The following CCDC90B variants were observed in gnomAD, a reference collection of about 807,000 sequenced individuals.
CCDC90B encodes coiled-coil domain containing 90B.
Under a neutral mutation model 37.0 loss-of-function variants are expected in CCDC90B, and 24 were observed. The observed-to-expected ratio is 0.65, with a 90% CI of 0.47 to 0.91. CCDC90B has a LOEUF of 0.91. Among genes scored for constraint, CCDC90B ranks in the 40% least tolerant of loss-of-function variants. The pLI is 0.00. For synonymous variants in CCDC90B, 113 were observed against 101.1 expected (o/e 1.12, Z -0.71); for missense variants, 319 against 299.0 (o/e 1.07, Z -0.49).
In CCDC90B at chr11:83,280,215, A is replaced by C. The variant is rs1865304000; in HGVS notation, c.146T>G (p.Val49Gly). 9 of 1,613,224 alleles carry C rather than the reference A, an allele frequency of 5.6e-6. No individual in the cohort carries two copies. Among genetic ancestry groups the C allele is most frequent in the Non-Finnish European group, 7.6e-6 (9 of 1,179,506 alleles). ...TTKEGYDRRP[V>G]DITPLEQRKL... is the part of the protein sequence containing the mutation. ...CCTTTGTTCTAAAGGAGTTATATCC[A>C]CTGGCCGCCTATCATATCCCTCCTT... The change falls in exon 2 of 9, where the codon GTG becomes GGG. Residue 49 changes from valine to glycine, a missense_variant. By Grantham distance (109) the Val-to-Gly change is moderately radical. Coordinates refer to ENST00000529689, the MANE Select transcript of CCDC90B (RefSeq NM_021825.5).
intron 7 of CCDC90B, among the ~76,000 whole-genome samples, chr11:83,268,912 GTC>G (rs1199891618): frequency 2.0e-5 from 3 of 152,170 alleles, no homozygotes; most frequent in African/African-American, 7.2e-5. Flanking sequence ...ACAACAAACT[GTC>G]TCTCAGACCA....
chr11:83,270,389 T>C (rs1864581821), intron 7 of CCDC90B, among the ~76,000 whole-genome samples: 1 of 152,198 alleles, frequency 6.6e-6, no homozygotes, highest in African/African-American at 2.4e-5. Flanking sequence ...CATGATTGTA[T>C]ATGTAGAAAA....
chr11:83,275,824 A>C (rs1437825347), intron 3 of CCDC90B, among the ~76,000 whole-genome samples: 1 of 152,238 alleles, frequency 6.6e-6, no homozygotes, highest in Non-Finnish European at 1.5e-5. Context: ...TGGTCTCCTC[A>C]TTGGTAAAAT....
intron 1 of CCDC90B, chr11:83,285,213 TGGGAG>T (rs746234617): frequency 3.9e-6 from 5 of 1,285,988 alleles, no homozygotes; most frequent in East Asian, 5.6e-5. Flanking sequence ...GTTTAAAAAC[TGGGAG>T]GGAAGTTAAA....
intron 4 of CCDC90B, 165 bp downstream of exon 4, chr11:83,274,474 A>G: frequency 2.2e-6 from 1 of 460,552 alleles, no homozygotes; most frequent in Non-Finnish European, 3.9e-6. Flanking sequence ...ATTTATATAG[A>G]AAAAGATTAG....
At chr11:83,263,436 C>T (rs1864048613) in intron 8 of CCDC90B, among the ~76,000 whole-genome samples, 1 of 152,156 alleles carries the variant, frequency 6.6e-6, no homozygotes, top group Non-Finnish European at 1.5e-5. Flanking sequence ...GCTGTTTATC[C>T]TCTATACCCT....
intron 7 of CCDC90B, among the ~76,000 whole-genome samples, chr11:83,269,632 C>CA (rs941808686): frequency 6.6e-6 from 1 of 152,042 alleles, no homozygotes; most frequent in African/African-American, 2.4e-5. Context: ...CTAAATAGAC[C>CA]AATAACAGGC....
Position 83,286,052 on chromosome 11 carries a change from A to G in CCDC90B, c.-80T>C, listed in dbSNP as rs1037482414. On this transcript the variant is annotated 5_prime_UTR_variant, in exon 1 of 9. Coordinates refer to ENST00000529689, the MANE Select transcript of CCDC90B (RefSeq NM_021825.5). Reference sequence around the variant, plus strand: ...GGCTTTCGGGCAAGGTAGTTCTGGCACCACAGGAATGCTGGGAATTGTAGT... The same window carrying G: ...GGCTTTCGGGCAAGGTAGTTCTGGCGCCACAGGAATGCTGGGAATTGTAGT... 4 of 1,547,098 alleles carry G rather than the reference A, an allele frequency of 2.6e-6. No individual in the cohort carries two copies. In the African/African-American group the frequency reaches 4.1e-5, roughly 16 times the overall value.
At position 83,261,413 on chromosome 11, in the gene CCDC90B, A is replaced by C. The variant is rs1863919490; in HGVS notation, c.*498T>G. 6.6e-6 allele frequency: 1 copy of C among 152,248 alleles called. No individual in the cohort carries two copies. Among genetic ancestry groups the C allele is most frequent in the African/African-American group, 2.4e-5 (1 of 41,454 alleles). The allele number at this position is 152,248 out of a possible 1,614,324, so 9.4% of individuals were successfully genotyped here. ...TTTAGTTCATTACCAAAAAGAAATC[A>C]ATCTCCAACTATATGGTAAGTCACT... On this transcript the variant is annotated 3_prime_UTR_variant, in exon 9 of 9. Transcript: ENST00000529689.
chr11:83,261,767 C>G lies in CCDC90B; in HGVS notation c.*144G>C, dbSNP rs540008405. ...TAAAGACACAGTATCTCTTCTCATT[C>G]TAAAACACTTCCTCTTTTAGTCCGT... On this transcript the variant is annotated 3_prime_UTR_variant, in exon 9 of 9. Coordinates refer to ENST00000529689, the MANE Select transcript of CCDC90B (RefSeq NM_021825.5). 3.5e-5 allele frequency: 21 copies of G among 595,958 alleles called. No homozygotes were observed. The African/African-American group carries it at 4.0e-4, about 11-fold the overall frequency. The allele number at this position is 595,958 out of a possible 1,614,324, so 36.9% of individuals were successfully genotyped here.
At chr11:83,282,078 G>A (rs113446081) in intron 1 of CCDC90B, among the ~76,000 whole-genome samples, 1 of 152,132 alleles carries the variant, frequency 6.6e-6, no homozygotes, top group East Asian at 1.9e-4. Context: ...CTAACACAAA[G>A]CCTACTTTAT....
intron 7 of CCDC90B, among the ~76,000 whole-genome samples, chr11:83,269,602 A>G (rs1474349981): frequency 1.3e-5 from 2 of 152,320 alleles, no homozygotes; most frequent in Middle Eastern, 3.4e-3. Context: ...CCAAGACTAA[A>G]CCAGGAAGAA....
At chr11:83,268,756 A>G (rs889942163) in intron 7 of CCDC90B, among the ~76,000 whole-genome samples, 1 of 152,238 alleles carries the variant, frequency 6.6e-6, no homozygotes, top group African/African-American at 2.4e-5. Context: ...CAACAAGCAG[A>G]CTTAATAGAC....
At chr11:83,285,593 CA>C in intron 1 of CCDC90B, 1 of 1,296,032 alleles carries the variant, frequency 7.7e-7, no homozygotes, top group Non-Finnish European at 9.8e-7. Context: ...CTCTTGTCAC[CA>C]AAAAACGGAA....
At chr11:83,270,693 G>A (rs1864600776) in intron 7 of CCDC90B, among the ~76,000 whole-genome samples, 1 of 152,174 alleles carries the variant, frequency 6.6e-6, no homozygotes, top group Admixed American at 6.5e-5. Flanking sequence ...TGGATAGGAA[G>A]AATCAATATT....
intron 1 of CCDC90B, among the ~76,000 whole-genome samples, chr11:83,282,718 T>C (rs1407116562): frequency 6.6e-6 from 1 of 152,208 alleles, no homozygotes; most frequent in African/African-American, 2.4e-5. Flanking sequence ...CAGAGCTCAG[T>C]CTGAATGTTT....
chr11:83,268,636 T>TA (rs1864447126), intron 7 of CCDC90B, among the ~76,000 whole-genome samples: 1 of 152,152 alleles, frequency 6.6e-6, no homozygotes, highest in Non-Finnish European at 1.5e-5. Flanking sequence ...CAAAAAGACT[T>TA]AGACTCCCAC....
Position 83,286,035 on chromosome 11 carries a change from G to A in CCDC90B, c.-63C>T. ...GGGGTAAATCTCGCACAGGCTTTCGGGCAAGGTAGTTCTGGCACCACAGGA... is the reference window on the plus strand; with the variant it reads ...GGGGTAAATCTCGCACAGGCTTTCGAGCAAGGTAGTTCTGGCACCACAGGA... On this transcript the variant is annotated 5_prime_UTR_variant, in exon 1 of 9. Transcript: ENST00000529689. 2 of 1,556,378 alleles carry A rather than the reference G, an allele frequency of 1.3e-6. No homozygotes were observed. Among genetic ancestry groups the A allele is most frequent in the Non-Finnish European group, 8.7e-7 (1 of 1,151,768 alleles).
At chr11:83,263,007 A>G (rs1232978824) in intron 8 of CCDC90B, among the ~76,000 whole-genome samples, 2 of 152,210 alleles carry the variant, frequency 1.3e-5, no homozygotes, top group East Asian at 3.9e-4. Flanking sequence ...CATTGTACAG[A>G]TGAGGTAATA....
Sources: gnomAD v4.1 joint callset for allele counts (sites outside exome capture counted in the v4.1 genomes callset) on GRCh38, gnomAD v4.1.1 for gene constraint, MANE v1.5 for transcripts, NCBI Gene and HGNC (gene_info 2026-07-23, HGNC 2026-07-21) for gene names.